SYNPR: variants seen among roughly 807,000 people sequenced by gnomAD.
SYNPR encodes synaptoporin.
A neutral mutation model predicts 32.9 loss-of-function variants in SYNPR; 23 were observed. The ratio of observed to expected loss-of-function variants is 0.70; its 90% CI spans 0.50 to 0.99. SYNPR has a LOEUF of 0.99. Among genes scored for constraint, SYNPR ranks in the 50% least tolerant of loss-of-function variants. SYNPR has a pLI of 0.00. For missense variants in SYNPR, 318 were observed against 349.3 expected, an observed-to-expected ratio of 0.91 and a Z score of 0.71; for synonymous variants, 146 against 135.9, an observed-to-expected ratio of 1.07 and a Z score of -0.52.
chr3:63,245,357 T>C (rs2086276076), intron 1 of SYNPR, among the ~76,000 whole-genome samples: 1 of 152,022 alleles, frequency 6.6e-6, no homozygotes, highest in African/African-American at 2.4e-5. Flanking sequence ...TTGACTATAA[T>C]AATAAATGTT....
chr3:63,611,902 C>T (rs188520854), intron 5 of SYNPR, among the ~76,000 whole-genome samples: 70 of 152,218 alleles, frequency 4.6e-4, no homozygotes, highest in African/African-American at 1.7e-3. Context: ...GTAGTAGAAA[C>T]GTGACTCAGA....
intron 2 of SYNPR, among the ~76,000 whole-genome samples, chr3:63,393,491 C>CTTTTTTTTTTTTTTTTTT (rs1482584312): frequency 7.7e-5 from 9 of 116,634 alleles, no homozygotes; most frequent in African/African-American, 2.3e-4. Flanking sequence ...TTCTTTCTTT[C>CTTTTTTTTTTTTTTTTTT]TTCTCTTTTT....
intron 2 of SYNPR, among the ~76,000 whole-genome samples, chr3:63,316,734 G>A (rs1033606129): frequency 1.3e-5 from 2 of 151,620 alleles, no homozygotes; most frequent in African/African-American, 2.4e-5. Flanking sequence ...CTTTCATTTA[G>A]TTCTGCTCTG....
chr3:63,274,108 A>T (rs2086556944), upstream of SYNPR, among the ~76,000 whole-genome samples: 1 of 152,352 alleles, frequency 6.6e-6, no homozygotes, highest in African/African-American at 2.4e-5. Context: ...ACATTTTGAC[A>T]GACTTCCACT....
intron 2 of SYNPR, among the ~76,000 whole-genome samples, chr3:63,417,731 C>A (rs896552727): frequency 6.6e-6 from 1 of 152,214 alleles, no homozygotes; most frequent in Non-Finnish European, 1.5e-5. Flanking sequence ...AGGCTTGGGG[C>A]TTGCACCCTC....
At chr3:63,391,746 G>A (rs568698901) in intron 2 of SYNPR, among the ~76,000 whole-genome samples, 3 of 152,270 alleles carry the variant, frequency 2.0e-5, no homozygotes, top group Non-Finnish European at 4.4e-5. Flanking sequence ...GATCATATAG[G>A]AAGATAGTGG....
intron 2 of SYNPR, among the ~76,000 whole-genome samples, chr3:63,297,910 A>G (rs149996530): frequency 2.6e-5 from 4 of 152,244 alleles, no homozygotes; most frequent in African/African-American, 4.8e-5. Flanking sequence ...AAACATCTCA[A>G]AAGACCAATC....
At chr3:63,472,377 A>G (rs1248686320) in intron 2 of SYNPR, among the ~76,000 whole-genome samples, 1 of 152,088 alleles carries the variant, frequency 6.6e-6, no homozygotes, top group African/African-American at 2.4e-5. Flanking sequence ...GAGGGGTTAT[A>G]TTTCTACTTT....
At chr3:63,603,198 T>C (rs970669926) in intron 4 of SYNPR, among the ~76,000 whole-genome samples, 5 of 152,182 alleles carry the variant, frequency 3.3e-5, no homozygotes, top group Non-Finnish European at 5.9e-5. Flanking sequence ...TGATTTTGTA[T>C]CCTAAAACTT....
chr3:63,201,803 C>A, the SYNPR span, among the ~76,000 whole-genome samples: 2 of 151,932 alleles, frequency 1.3e-5, no homozygotes, highest in Non-Finnish European at 2.9e-5. Context: ...TTGATAATTT[C>A]AAGAAAATTA....
intron 4 of SYNPR, among the ~76,000 whole-genome samples, chr3:63,601,045 G>A (rs1331273090): frequency 3.9e-5 from 6 of 152,162 alleles, no homozygotes; most frequent in Non-Finnish European, 8.8e-5. Flanking sequence ...GGCCGAGGTG[G>A]GCAGATCACC....
At chr3:63,370,444 T>A (rs964486342) in intron 2 of SYNPR, among the ~76,000 whole-genome samples, 1 of 152,228 alleles carries the variant, frequency 6.6e-6, no homozygotes, top group Non-Finnish European at 1.5e-5. Flanking sequence ...AGTGTGCCAA[T>A]AAAGAATCTA....
chr3:63,250,122 T>C lies in SYNPR; in HGVS notation n.67-2377T>C, dbSNP rs79789308. Among the ~76,000 whole-genome samples the C allele has an allele frequency of 5.2e-3, 787 of 152,146 alleles. 5 individuals are homozygous for C. The highest frequency in any genetic ancestry group is 0.018 in the African/African-American group (752 of 41,518). Reference sequence around the variant, plus strand: ...TAGGTTCTAGGGTTCTATAGCATTGTAGGATAAATATGGCTAACCATAAAT... The same window carrying C: ...TAGGTTCTAGGGTTCTATAGCATTGCAGGATAAATATGGCTAACCATAAAT... On this transcript the variant is annotated intron_variant and non_coding_transcript_variant, in intron 1 of 4. Transcript: ENST00000478456.
chr3:63,541,477 G>A (rs889677410), intron 3 of SYNPR, among the ~76,000 whole-genome samples: 2 of 152,068 alleles, frequency 1.3e-5, no homozygotes, highest in Non-Finnish European at 2.9e-5. Context: ...ATTGACCTGA[G>A]TTATCACAGG....
intron 3 of SYNPR, among the ~76,000 whole-genome samples, chr3:63,497,047 GTACAGGAGT>G (rs1701387089): frequency 6.6e-6 from 1 of 152,124 alleles, no homozygotes; most frequent in Admixed American, 6.5e-5. Context: ...GTCCTCGGTT[GTACAGGAGT>G]TTGCATAAAT....
At chr3:63,613,539 A>G (rs1261282794) in intron 5 of SYNPR, among the ~76,000 whole-genome samples, 2 of 132,250 alleles carry the variant, frequency 1.5e-5, no homozygotes, top group Non-Finnish European at 3.1e-5. Context: ...GGGGGCCTAG[A>G]GTCTTGATTT....
At chr3:63,299,909 G>T (rs1407952103) in intron 2 of SYNPR, among the ~76,000 whole-genome samples, 2 of 152,050 alleles carry the variant, frequency 1.3e-5, no homozygotes, top group African/African-American at 2.4e-5. Context: ...GTATGTTGGG[G>T]ATACTAATCT....
intron 2 of SYNPR, among the ~76,000 whole-genome samples, chr3:63,339,419 C>T (rs900964034): frequency 1.3e-5 from 2 of 152,114 alleles, no homozygotes; most frequent in African/African-American, 2.4e-5. Context: ...ATTAAGATCC[C>T]ATGTGCCTTT....
intron 2 of SYNPR, among the ~76,000 whole-genome samples, chr3:63,429,881 A>G (rs1179208357): frequency 6.6e-6 from 1 of 152,146 alleles, no homozygotes; most frequent in Admixed American, 6.5e-5. Context: ...GTTCTGTTTT[A>G]CTTGGCTTCT....
Sources: gnomAD v4.1 joint callset for allele counts (sites outside exome capture counted in the v4.1 genomes callset) on GRCh38, gnomAD v4.1.1 for gene constraint, MANE v1.5 for transcripts, NCBI Gene and HGNC (gene_info 2026-07-23, HGNC 2026-07-21) for gene names.